The following MBD5 variants were observed in gnomAD, a reference collection of about 807,000 sequenced individuals.
MBD5 encodes the protein methyl-CpG-binding domain protein 5.
MBD5 carries 13 observed loss-of-function variants against 117.3 expected under a neutral mutation model. The observed-to-expected ratio is 0.11, with a 90% CI of 0.07 to 0.18. MBD5 has a LOEUF of 0.18. Ranked by LOEUF, MBD5 falls within the 10% of genes least tolerant of loss-of-function variation. The probability of loss-of-function intolerance (pLI) is 1.00; values close to 1 mark genes in which losing one functional copy is unlikely to be tolerated. For synonymous variants in MBD5, 727 were observed against 766.4 expected, an observed-to-expected ratio of 0.95 and a Z score of 0.85; for missense variants, 1,879 against 2,093.8, an observed-to-expected ratio of 0.90 and a Z score of 2.00.
intron 7 of MBD5, among the ~76,000 whole-genome samples, chr2:148,465,053 C>A (rs939398048): frequency 1.3e-5 from 2 of 151,670 alleles, no homozygotes; most frequent in African/African-American, 4.8e-5. Flanking sequence ...TGTTACATAT[C>A]TTTATATCAA....
rs537190789 is a variant in MBD5 at position 148,348,089 on chromosome 2, G to T, written c.-557+5753G>T. ...TGTGTTTAAAGAAATCAGGAACTGA[G>T]CCTACCTTGTTTAACACTATATCCC... On this transcript the variant is annotated intron_variant, in intron 4 of 13. Coordinates refer to ENST00000642680, the MANE Select transcript of MBD5 (RefSeq NM_001378120.1). Among the ~76,000 whole-genome samples, 4 of 152,098 alleles carry T rather than the reference G, an allele frequency of 2.6e-5. No individual in the cohort carries two copies. The South Asian group carries it at 8.3e-4, about 32-fold the overall frequency.
At chr2:148,035,153 A>G (rs537191833) in intron 1 of MBD5, among the ~76,000 whole-genome samples, 2 of 152,068 alleles carry the variant, frequency 1.3e-5, no homozygotes, top group East Asian at 3.9e-4. Context: ...CTACTACCAT[A>G]GTAGATGAAA....
chr2:148,131,825 A>G (rs1217073133), intron 1 of MBD5, among the ~76,000 whole-genome samples: 1 of 152,188 alleles, frequency 6.6e-6, no homozygotes, highest in Non-Finnish European at 1.5e-5. Context: ...AAAAATCTTA[A>G]AAGTTTTTAA....
intron 1 of MBD5, among the ~76,000 whole-genome samples, chr2:148,047,412 T>C (rs1694563519): frequency 6.6e-6 from 1 of 152,096 alleles, no homozygotes; most frequent in Admixed American, 6.6e-5. Context: ...ACAGAGGAAG[T>C]TTTAAAAAGG....
intron 3 of MBD5, among the ~76,000 whole-genome samples, chr2:148,315,051 A>G (rs1233935157): frequency 6.6e-6 from 1 of 152,174 alleles, no homozygotes; most frequent in African/African-American, 2.4e-5. Context: ...GGGACTAAGA[A>G]CAGAGCCCAA....
chr2:148,071,270 CTGTATATG>C (rs900284577), intron 1 of MBD5: 1 of 124,984 alleles, frequency 8.0e-6, no homozygotes, highest in African/African-American at 2.9e-5. Flanking sequence ...TTAGATATAT[CTGTATATG>C]TGTGTGTGTG....
intron 3 of MBD5, among the ~76,000 whole-genome samples, chr2:148,271,716 G>A (rs1283605040): frequency 6.6e-6 from 1 of 151,976 alleles, no homozygotes; most frequent in African/African-American, 2.4e-5. Context: ...TTTGAAATAT[G>A]TATACATTGT....
At chr2:148,460,495 C>A (rs1241432803) in intron 5 of MBD5, among the ~76,000 whole-genome samples, 3 of 152,148 alleles carry the variant, frequency 2.0e-5, no homozygotes. Context: ...AACTAAATTA[C>A]TACTTGAACA....
intron 3 of MBD5, among the ~76,000 whole-genome samples, chr2:148,335,794 G>A (rs1702771819): frequency 2.0e-5 from 3 of 152,088 alleles, no homozygotes; most frequent in African/African-American, 7.2e-5. Context: ...CCCACCATGA[G>A]CCAGACAATT....
rs906663478 is a variant in MBD5 at position 148,372,673 on chromosome 2, A to G, written c.-557+30337A>G. On this transcript the variant is annotated intron_variant, in intron 4 of 13. Coordinates refer to ENST00000642680, the MANE Select transcript of MBD5 (RefSeq NM_001378120.1). ...TGGACAAAGAGGGAGATTGCCAAAT[A>G]TAAGAAAAAGTGTGAATACAGAATT... Among the ~76,000 whole-genome samples the G allele has an allele frequency of 2.0e-5, 3 of 152,106 alleles. 1 individual carries two copies. Among genetic ancestry groups the G allele is most frequent in the Non-Finnish European group, 4.4e-5 (3 of 67,990 alleles).
chr2:148,144,629 G>A (rs540455587), intron 1 of MBD5, among the ~76,000 whole-genome samples: 61 of 152,272 alleles, frequency 4.0e-4, no homozygotes, highest in African/African-American at 1.4e-3. Flanking sequence ...TTTGTATAAG[G>A]TGTAAGGAAG....
intron 1 of MBD5, among the ~76,000 whole-genome samples, chr2:148,148,845 C>T (rs928261476): frequency 6.6e-6 from 1 of 152,154 alleles, no homozygotes; most frequent in Non-Finnish European, 1.5e-5. Context: ...TCATCTTCTA[C>T]ATTTATTTTT....
rs189116533 is a variant in MBD5, at chr2:148,242,268, G to T, written c.-680+8873G>T. 2.8e-4 allele frequency among the ~76,000 whole-genome samples: 42 copies of T among 151,920 alleles called. 1 individual carries two copies. The highest frequency in any genetic ancestry group is 2.0e-4 in the Admixed American group (3 of 15,238). On this transcript the variant is annotated intron_variant, in intron 3 of 13. Coordinates refer to ENST00000642680, the MANE Select transcript of MBD5 (RefSeq NM_001378120.1). ...TGGAAGGTCAAATATTACTATATGG[G>T]ATGAATCACTTAAGACCTTACTACT...
chr2:148,397,465 G>A (rs1258709915), intron 4 of MBD5, among the ~76,000 whole-genome samples: 1 of 151,596 alleles, frequency 6.6e-6, no homozygotes, highest in Non-Finnish European at 1.5e-5. Flanking sequence ...GAGTAGCTGG[G>A]ACTACAGATG....
At chr2:148,446,610 G>GTGTC (rs60857803) in intron 4 of MBD5, among the ~76,000 whole-genome samples, 9 of 151,628 alleles carry the variant, frequency 5.9e-5, no homozygotes, top group African/African-American at 2.2e-4. Flanking sequence ...ATCTGTGTGT[G>GTGTC]TGTGTGTGTG....
At chr2:148,046,463 G>A (rs1324263997) in intron 1 of MBD5, among the ~76,000 whole-genome samples, 1 of 152,116 alleles carries the variant, frequency 6.6e-6, no homozygotes, top group African/African-American at 2.4e-5. Context: ...GAGTATTTAT[G>A]TAATTACTCA....
chr2:148,152,416 T>C (rs531406438), intron 1 of MBD5, among the ~76,000 whole-genome samples: 89 of 152,296 alleles, frequency 5.8e-4, no homozygotes, highest in African/African-American at 2.1e-3. Flanking sequence ...GTATATTCTG[T>C]TGATTTGGGG....
At chr2:148,275,203 AT>A (rs1361975545) in intron 3 of MBD5, among the ~76,000 whole-genome samples, 2 of 152,090 alleles carry the variant, frequency 1.3e-5, no homozygotes, top group Non-Finnish European at 1.5e-5. Flanking sequence ...TTTTGACTGC[AT>A]TTGAATAAGC....
At chr2:148,258,985 CAG>C (rs766504260) in intron 3 of MBD5, among the ~76,000 whole-genome samples, 1 of 152,158 alleles carries the variant, frequency 6.6e-6, no homozygotes, top group African/African-American at 2.4e-5. Context: ...CAAAGGCACT[CAG>C]GGGTGCAGAA....
Sources: gnomAD v4.1 joint callset for allele counts (sites outside exome capture counted in the v4.1 genomes callset) on GRCh38, gnomAD v4.1.1 for gene constraint, MANE v1.5 for transcripts, NCBI Gene and HGNC (gene_info 2026-07-23, HGNC 2026-07-21) for gene names.